SLC35G2: variants seen among roughly 807,000 people sequenced by gnomAD.
SLC35G2 encodes the protein solute carrier family 35 member G2, also known as transmembrane protein 22.
A neutral mutation model predicts 27.2 loss-of-function variants in SLC35G2; 20 were observed. That is an observed-to-expected ratio of 0.74 (90% CI 0.52 to 1.07). The LOEUF (loss-of-function observed/expected upper bound fraction) is 1.07. Ranked by LOEUF, SLC35G2 falls within the 50% of genes least tolerant of loss-of-function variation. The pLI, the probability that SLC35G2 is intolerant of heterozygous loss-of-function variation, is 0.00. For missense variants in SLC35G2, 416 were observed against 493.3 expected (o/e 0.84, Z 1.48); for synonymous variants, 148 against 165.3 (o/e 0.90, Z 0.80).
rs1936380021 is a variant in SLC35G2 at position 136,819,237 on chromosome 3, TCGGCGG to T, written c.-403_-398del. On this transcript the variant is annotated 5_prime_UTR_variant, in exon 1 of 2. Coordinates refer to ENST00000446465, the MANE Select transcript of SLC35G2 (RefSeq NM_025246.3). ...CAGGTAACCGGGCCCCGGGAGCCGG[TCGGCGG>T]CGGCGGACTGGGACCTTGATCCTGC... 1.3e-5 allele frequency: 2 copies of T among 152,172 alleles called. No individual in the cohort carries two copies. 9.4% of individuals were successfully genotyped at this position (152,172 alleles called of 1,614,324 possible). A position where few individuals can be genotyped will look rare whatever the true frequency, so the allele number is the denominator to read the frequency against.
chr3:136,837,801 T>C (rs532140078), intron 1 of SLC35G2: 1 of 152,146 alleles, frequency 6.6e-6, no homozygotes, highest in Admixed American at 6.5e-5. Context: ...AGAGTTCACA[T>C]ATTTTAAATT....
chr3:136,832,197 G>A (rs988384973), intron 1 of SLC35G2, among the ~76,000 whole-genome samples: 8 of 152,084 alleles, frequency 5.3e-5, no homozygotes, highest in African/African-American at 1.4e-4. Flanking sequence ...TGTATTTTTA[G>A]TAGAGATGGG....
intron 1 of SLC35G2, among the ~76,000 whole-genome samples, chr3:136,829,699 TA>T (rs1408294565): frequency 2.5e-5 from 2 of 80,256 alleles, no homozygotes; most frequent in African/African-American, 8.1e-5. Flanking sequence ...TACTCTAGGG[TA>T]AATTTTTTTT....
intron 1 of SLC35G2, among the ~76,000 whole-genome samples, chr3:136,848,386 A>G (rs1407527889): frequency 2.0e-5 from 3 of 152,128 alleles, no homozygotes; most frequent in Non-Finnish European, 4.4e-5. Flanking sequence ...TGGGAGGCTG[A>G]GGTTGGTGGA....
chr3:136,837,067 C>T (rs1040445368), intron 1 of SLC35G2, among the ~76,000 whole-genome samples: 4 of 152,054 alleles, frequency 2.6e-5, no homozygotes, highest in African/African-American at 4.8e-5. Context: ...TAATTATATT[C>T]TTTGCTGCCA....
At chr3:136,830,579 G>C (rs1334370302) in intron 1 of SLC35G2, among the ~76,000 whole-genome samples, 1 of 151,906 alleles carries the variant, frequency 6.6e-6, no homozygotes, top group African/African-American at 2.4e-5. Context: ...CACCGCGCCT[G>C]GCCTACTTTT....
intron 1 of SLC35G2, chr3:136,838,588 A>C (rs1023772965): frequency 2.0e-5 from 3 of 152,218 alleles, no homozygotes; most frequent in African/African-American, 7.2e-5. Context: ...TGATTAAGCC[A>C]AACCAAATTT....
At chr3:136,823,311 T>C (rs1936504291) in intron 1 of SLC35G2, among the ~76,000 whole-genome samples, 1 of 152,222 alleles carries the variant, frequency 6.6e-6, no homozygotes, top group Non-Finnish European at 1.5e-5. Context: ...TGATTATTAA[T>C]CCCTTGTCAG....
At chr3:136,839,890 A>G (rs1009572883) in intron 1 of SLC35G2, among the ~76,000 whole-genome samples, 1 of 151,410 alleles carries the variant, frequency 6.6e-6, no homozygotes, top group Admixed American at 6.6e-5. Flanking sequence ...CTGTCTTCTT[A>G]CCTCCCCTCA....
intron 1 of SLC35G2, among the ~76,000 whole-genome samples, chr3:136,844,231 G>A (rs894979400): frequency 6.6e-6 from 1 of 151,156 alleles, no homozygotes; most frequent in African/African-American, 2.4e-5. Flanking sequence ...GGCTCACACC[G>A]GTAATCCCAG....
intron 1 of SLC35G2, among the ~76,000 whole-genome samples, chr3:136,840,728 A>T (rs2108012845): frequency 6.6e-6 from 1 of 151,634 alleles, no homozygotes; most frequent in East Asian, 1.9e-4. Context: ...GGTTCAAGTG[A>T]TTCTCCTGCC....
chr3:136,822,434 C>T (rs1936478724), intron 1 of SLC35G2, among the ~76,000 whole-genome samples: 1 of 152,172 alleles, frequency 6.6e-6, no homozygotes, highest in Non-Finnish European at 1.5e-5. Flanking sequence ...CCTGCCTTAG[C>T]CTCCCAAGTA....
intron 1 of SLC35G2, among the ~76,000 whole-genome samples, chr3:136,832,405 A>G (rs1225037204): frequency 2.0e-5 from 3 of 152,222 alleles, no homozygotes; most frequent in Admixed American, 1.3e-4. Flanking sequence ...AAAACAAATT[A>G]GTTCTAGGCT....
At chr3:136,847,283 A>G (rs1937426900) in intron 1 of SLC35G2, among the ~76,000 whole-genome samples, 1 of 152,194 alleles carries the variant, frequency 6.6e-6, no homozygotes, top group South Asian at 2.1e-4. Context: ...ACTAGGCAAG[A>G]AGACCAAACA....
At chr3:136,849,262 C>T (rs930890041) in intron 1 of SLC35G2, among the ~76,000 whole-genome samples, 8 of 151,604 alleles carry the variant, frequency 5.3e-5, no homozygotes, top group Non-Finnish European at 1.0e-4. Flanking sequence ...AAAAATTATG[C>T]AATTATAATA....
chr3:136,850,172 G>GCTAACCATGGAAAATGATATTGA (rs1241837984), intron 1 of SLC35G2, among the ~76,000 whole-genome samples: 1 of 152,198 alleles, frequency 6.6e-6, no homozygotes, highest in East Asian at 1.9e-4. Flanking sequence ...ATGGATCCAA[G>GCTAACCATGGAAAATGATATTGA]TGATACAGTT....
intron 1 of SLC35G2, among the ~76,000 whole-genome samples, chr3:136,847,900 C>A (rs1201506979): frequency 3.3e-5 from 5 of 151,830 alleles, no homozygotes; most frequent in African/African-American, 1.2e-4. Flanking sequence ...TTGCTTGAAC[C>A]TGGGAGGCAG....
At chr3:136,841,261 TG>T (rs1937085123) in intron 1 of SLC35G2, among the ~76,000 whole-genome samples, 1 of 152,146 alleles carries the variant, frequency 6.6e-6, no homozygotes, top group Non-Finnish European at 1.5e-5. Context: ...ATCTAAAGGA[TG>T]GACACAACAC....
At chr3:136,839,948 C>G (rs1937017485) in intron 1 of SLC35G2, among the ~76,000 whole-genome samples, 1 of 152,188 alleles carries the variant, frequency 6.6e-6, no homozygotes, top group South Asian at 2.1e-4. Context: ...ATAACCCAGA[C>G]TGACACAGCC....
Sources: gnomAD v4.1 joint callset for allele counts (sites outside exome capture counted in the v4.1 genomes callset) on GRCh38, gnomAD v4.1.1 for gene constraint, MANE v1.5 for transcripts, NCBI Gene and HGNC (gene_info 2026-07-23, HGNC 2026-07-21) for gene names.